STPG4: variants seen among roughly 807,000 people sequenced by gnomAD.
The protein encoded by STPG4 is protein STPG4.
A neutral mutation model predicts 31.5 loss-of-function variants in STPG4; 41 were observed. That is an observed-to-expected ratio of 1.30 (90% confidence interval 1.01 to 1.69). The LOEUF (loss-of-function observed/expected upper bound fraction) is 1.69, where lower values mean the gene tolerates loss of function less well. STPG4 is among the 40% of genes most tolerant of loss of function. The pLI, the probability that STPG4 is intolerant of heterozygous loss-of-function variation, is 0.00. For synonymous variants in STPG4, 141 were observed against 103.0 expected, an observed-to-expected ratio of 1.37 and a Z score of -2.24; for missense variants, 375 against 293.4, an observed-to-expected ratio of 1.28 and a Z score of -2.03.
chr2:47,107,213 G>A (rs976945399), intron 5 of STPG4, among the ~76,000 whole-genome samples: 1 of 152,096 alleles, frequency 6.6e-6, no homozygotes, highest in Non-Finnish European at 1.5e-5. Flanking sequence ...CCGCTGCACT[G>A]TGGGAGCCCC....
intron 5 of STPG4, among the ~76,000 whole-genome samples, chr2:47,120,550 G>A (rs1352556922): frequency 7.3e-6 from 1 of 136,576 alleles, no homozygotes; most frequent in Non-Finnish European, 1.6e-5. Flanking sequence ...CTGGGCGAAA[G>A]AGCAAGACTC....
chr2:47,138,393 GTT>G (rs869102317), intron 3 of STPG4, among the ~76,000 whole-genome samples: 7 of 138,448 alleles, frequency 5.1e-5, no homozygotes, highest in Admixed American at 1.5e-4. Flanking sequence ...ATTTGTTAAG[GTT>G]TTTTTTTTTT....
intron 5 of STPG4, among the ~76,000 whole-genome samples, chr2:47,092,803 T>G (rs1324642618): frequency 6.6e-6 from 1 of 151,508 alleles, no homozygotes; most frequent in African/African-American, 2.4e-5. Flanking sequence ...GGTTCTGTTT[T>G]TTTTTTTTTG....
intron 5 of STPG4, among the ~76,000 whole-genome samples, chr2:47,106,364 G>C (rs1343290151): frequency 6.6e-6 from 1 of 151,826 alleles, no homozygotes; most frequent in Non-Finnish European, 1.5e-5. Context: ...GCTCAAGTCC[G>C]TCAGCGCAGA....
rs762394560 is a variant in STPG4, at chr2:47,155,301, G to A, written c.-50C>T. The stretch of plus-strand genomic sequence containing the variant: ...GAACCTGAGCTCCGGTTGCTAGGAG[G>A]CGGGTGTGGCCCGTGGGCTCCCGAG... On this transcript the variant is annotated 5_prime_UTR_variant, in exon 1 of 7. Coordinates refer to ENST00000445927, the MANE Select transcript of STPG4 (RefSeq NM_001163561.2). The A allele has an allele frequency of 1.9e-6, 3 of 1,598,702 alleles. No individual in the cohort carries two copies. The highest frequency in any genetic ancestry group is 2.6e-6 in the Non-Finnish European group (3 of 1,167,072).
intron 3 of STPG4, among the ~76,000 whole-genome samples, chr2:47,130,896 C>A (rs1299185034): frequency 3.3e-5 from 5 of 152,110 alleles, no homozygotes; most frequent in Non-Finnish European, 5.9e-5. Context: ...TTCACTGCAG[C>A]TTCAAACTCT....
chr2:47,142,836 CTTT>C (rs10686388), intron 3 of STPG4, among the ~76,000 whole-genome samples: 3 of 73,836 alleles, frequency 4.1e-5, no homozygotes, highest in African/African-American at 5.5e-5. Flanking sequence ...TTTATCTCAT[CTTT>C]TTTTTTTTTT....
chr2:47,098,859 T>A (rs1040124799), intron 5 of STPG4, among the ~76,000 whole-genome samples: 1 of 151,854 alleles, frequency 6.6e-6, no homozygotes, highest in Non-Finnish European at 1.5e-5. Flanking sequence ...AGAGGTGGTG[T>A]GTGGCAGGGC....
intron 5 of STPG4, among the ~76,000 whole-genome samples, chr2:47,110,304 A>G (rs566505426): frequency 8.3e-4 from 127 of 152,280 alleles, no homozygotes; most frequent in Non-Finnish European, 1.6e-3. Flanking sequence ...TTTAAAAATT[A>G]TATTTTGGGC....
intron 5 of STPG4, among the ~76,000 whole-genome samples, chr2:47,116,285 G>A (rs746332850): frequency 6.6e-6 from 1 of 152,144 alleles, no homozygotes; most frequent in Non-Finnish European, 1.5e-5. Flanking sequence ...AGGAATAGAA[G>A]GATATTCAAA....
chr2:47,143,949 A>G (rs950138416), intron 3 of STPG4, among the ~76,000 whole-genome samples: 3 of 152,082 alleles, frequency 2.0e-5, no homozygotes, highest in African/African-American at 7.2e-5. Context: ...ATTTTTTTGC[A>G]TTGACTGACC....
At chr2:47,145,440 T>C (rs1686802063) in intron 3 of STPG4, among the ~76,000 whole-genome samples, 1 of 152,214 alleles carries the variant, frequency 6.6e-6, no homozygotes, top group Admixed American at 6.5e-5. Context: ...CTTTCATGAA[T>C]TCCAGCCCAA....
rs553902220 is a variant in STPG4 at position 47,153,124 on chromosome 2, A to G, written c.82-108T>C. On this transcript the variant is annotated intron_variant, in intron 1 of 6. Coordinates refer to ENST00000445927, the MANE Select transcript of STPG4 (RefSeq NM_001163561.2). The stretch of plus-strand genomic sequence containing the variant: ...AGAAATTCACACCCATACCCAACTG[A>G]TATGTCTTCATTAAAATAAAAGCTA... 4 of 649,378 alleles carry G rather than the reference A, an allele frequency of 6.2e-6. No homozygotes were observed. In the East Asian group the frequency reaches 1.1e-4, roughly 18 times the overall value. 40.2% of individuals were successfully genotyped at this position (649,378 alleles called of 1,614,324 possible).
chr2:47,155,275 T>C lies in STPG4; in HGVS notation c.-24A>G, dbSNP rs57771479. On this transcript the variant is annotated 5_prime_UTR_variant, in exon 1 of 7. Coordinates refer to ENST00000445927, the MANE Select transcript of STPG4 (RefSeq NM_001163561.2). The stretch of plus-strand genomic sequence containing the variant: ...ATGGTGGCCTCCTCTCTCTCTAGGC[T>C]GAACCTGAGCTCCGGTTGCTAGGAG... 442 of 1,613,244 alleles carry C rather than the reference T, an allele frequency of 2.7e-4. 4 individuals are homozygous for C. In the African/African-American group the frequency reaches 5.4e-3, roughly 20 times the overall value.
At chr2:47,144,441 G>A (rs1211034540) in intron 3 of STPG4, among the ~76,000 whole-genome samples, 4 of 152,162 alleles carry the variant, frequency 2.6e-5, no homozygotes, top group Non-Finnish European at 5.9e-5. Context: ...AGCACTTGGG[G>A]AGGCTGAGGC....
chr2:47,101,154 C>T (rs774313795), intron 5 of STPG4, among the ~76,000 whole-genome samples: 41 of 151,730 alleles, frequency 2.7e-4, no homozygotes, highest in Non-Finnish European at 4.1e-4. Flanking sequence ...GGCTAAATAC[C>T]GGGCACCTGT....
chr2:47,103,998 G>A (rs976261946), intron 5 of STPG4, among the ~76,000 whole-genome samples: 11 of 151,988 alleles, frequency 7.2e-5, no homozygotes, highest in Non-Finnish European at 1.5e-4. Flanking sequence ...GTAATTGGGA[G>A]ACTTTGCTCT....
intron 1 of STPG4, among the ~76,000 whole-genome samples, chr2:47,154,666 G>C (rs979461323): frequency 2.0e-5 from 3 of 151,996 alleles, no homozygotes; most frequent in African/African-American, 7.3e-5. Flanking sequence ...GGGAGGCGGA[G>C]GTTGCAGTGA....
intron 3 of STPG4, among the ~76,000 whole-genome samples, chr2:47,142,431 T>C (rs1686733190): frequency 1.3e-5 from 2 of 152,172 alleles, no homozygotes; most frequent in Admixed American, 1.3e-4. Flanking sequence ...ATTGAAATGT[T>C]CCCAACCTAG....
Sources: allele counts gnomAD v4.1 joint callset (sites outside exome capture counted in the v4.1 genomes callset), GRCh38; gene constraint gnomAD v4.1.1; transcripts MANE v1.5; gene names NCBI Gene and HGNC (gene_info 2026-07-23, HGNC 2026-07-21).